The following PTGES3 variants were observed in gnomAD, a reference collection of about 807,000 sequenced individuals.
PTGES3 encodes Hsp90 co-chaperone.
A neutral mutation model predicts 29.9 loss-of-function variants in PTGES3; 5 were observed. The ratio of observed to expected loss-of-function variants is 0.17; its 90% CI spans 0.09 to 0.35. PTGES3 has a LOEUF of 0.35. PTGES3 is among the 10% of genes least tolerant of loss of function. The pLI, the probability that PTGES3 is intolerant of heterozygous loss-of-function variation, is 1.00. For missense variants in PTGES3, 128 were observed against 190.0 expected (o/e 0.67, Z 1.92); for synonymous variants, 49 against 57.8 (o/e 0.85, Z 0.69).
chr12:56,681,829 C>T (rs1472992221), intron 1 of PTGES3, among the ~76,000 whole-genome samples: 2 of 151,890 alleles, frequency 1.3e-5, no homozygotes, highest in African/African-American at 4.8e-5. Context: ...TGCACTCCAG[C>T]CTGGGCGACA....
intron 1 of PTGES3, among the ~76,000 whole-genome samples, chr12:56,679,112 G>A (rs145810000): frequency 0.012 from 1,813 of 152,072 alleles, 24 homozygotes; most frequent in South Asian, 0.045. Flanking sequence ...GCAAGACCCT[G>A]ACTTAGAGAA....
intron 1 of PTGES3, among the ~76,000 whole-genome samples, chr12:56,675,697 C>T (rs1213206595): frequency 1.3e-5 from 2 of 151,898 alleles, no homozygotes; most frequent in Non-Finnish European, 2.9e-5. Context: ...GAGATGGGTG[C>T]ATCACCTAAG....
chr12:56,681,070 TCCC>T (rs1227726426), intron 1 of PTGES3, among the ~76,000 whole-genome samples: 10 of 152,022 alleles, frequency 6.6e-5, no homozygotes, highest in East Asian at 1.9e-4. Context: ...CCATACCTGG[TCCC>T]CCCATTTGTA....
intron 1 of PTGES3, among the ~76,000 whole-genome samples, chr12:56,683,661 CAAA>C (rs905309228): frequency 7.1e-6 from 1 of 140,294 alleles, no homozygotes; most frequent in African/African-American, 2.6e-5. Flanking sequence ...AAAAAACAAA[CAAA>C]AACCAAAACT....
chr12:56,665,023 T>G, intron 6 of PTGES3: 1 of 985,450 alleles, frequency 1.0e-6, no homozygotes, highest in Non-Finnish European at 1.2e-6. Context: ...GTGTGCCTTT[T>G]GGTGACAATT....
At chr12:56,670,521 T>A (rs1951962678) in intron 4 of PTGES3, 157 bp from the exon 5 acceptor site, 1 of 608,478 alleles carries the variant, frequency 1.6e-6, no homozygotes, top group Non-Finnish European at 2.9e-6. Flanking sequence ...CCACTATTGA[T>A]CAATATGTGA....
chr12:56,687,317 G>T, intron 1 of PTGES3: 1 of 989,810 alleles, frequency 1.0e-6, no homozygotes, highest in Non-Finnish European at 1.2e-6. Flanking sequence ...GGAACTACCT[G>T]CTCAATGGTA....
At chr12:56,674,275 AAGGAAAGGC>A (rs558732914) in intron 1 of PTGES3, among the ~76,000 whole-genome samples, 180 of 152,254 alleles carry the variant, frequency 1.2e-3, no homozygotes, top group African/African-American at 4.2e-3. Context: ...TCTGCAAACC[AAGGAAAGGC>A]CTCAGAAGAA....
chr12:56,680,451 T>A (rs2137690715), intron 1 of PTGES3, among the ~76,000 whole-genome samples: 1 of 152,074 alleles, frequency 6.6e-6, no homozygotes, highest in Non-Finnish European at 1.5e-5. Flanking sequence ...AACGGCGTCA[T>A]CTTGCCTCTC....
chr12:56,665,987 A>G, intron 6 of PTGES3: 2 of 1,280,526 alleles, frequency 1.6e-6, no homozygotes, highest in Non-Finnish European at 2.0e-6. Flanking sequence ...TTCTTTGGAA[A>G]TCTAATCCAT....
chr12:56,676,992 T>C (rs1026762604), intron 1 of PTGES3, among the ~76,000 whole-genome samples: 3 of 148,264 alleles, frequency 2.0e-5, no homozygotes, highest in Middle Eastern at 3.3e-3. Flanking sequence ...TCTCAGCACT[T>C]TGGGAGGCTG....
chr12:56,688,144 C>T lies in PTGES3; in HGVS notation c.-145G>A, dbSNP rs1433020570. The T allele has an allele frequency of 1.5e-6, 2 of 1,377,030 alleles. No homozygotes were observed. Among genetic ancestry groups the T allele is most frequent in the Middle Eastern group, 2.7e-4 (1 of 3,668 alleles). 85.3% of individuals were successfully genotyped at this position (1,377,030 alleles called of 1,614,324 possible). A position where few individuals can be genotyped will look rare whatever the true frequency, so the allele number is the denominator to read the frequency against. On this transcript the variant is annotated 5_prime_UTR_variant, in exon 1 of 8. Transcript: ENST00000262033. ...TCTCGCTTCCCTCAGGCGACGGCGG[C>T]AGCGGCGGGCTCGACCTCGGGCCCC...
intron 1 of PTGES3, among the ~76,000 whole-genome samples, chr12:56,673,422 G>A (rs1236847176): frequency 7.0e-6 from 1 of 143,572 alleles, no homozygotes. Context: ...TTGAGGCCAG[G>A]AGAGCTAGAG....
At chr12:56,668,100 C>T (rs550061525) in intron 5 of PTGES3, among the ~76,000 whole-genome samples, 168 of 152,266 alleles carry the variant, frequency 1.1e-3, no homozygotes, top group African/African-American at 3.9e-3. Flanking sequence ...AAGAGCAAAA[C>T]TCTGCCTCAA....
At chr12:56,671,382 AAGAG>A (rs1176852501) in intron 4 of PTGES3, among the ~76,000 whole-genome samples, 7 of 152,144 alleles carry the variant, frequency 4.6e-5, no homozygotes, top group African/African-American at 1.2e-4. Context: ...CTGGGTGACA[AAGAG>A]AGACCCTGTT....
Position 56,688,195 on chromosome 12 carries a change from C to T in PTGES3, c.-196G>A. 2.0e-6 allele frequency: 2 copies of T among 988,036 alleles called. No homozygotes were observed. The highest frequency in any genetic ancestry group is 2.8e-6 in the Non-Finnish European group (2 of 725,792). 61.2% of individuals were successfully genotyped at this position (988,036 alleles called of 1,614,324 possible). A position where few individuals can be genotyped will look rare whatever the true frequency, so the allele number is the denominator to read the frequency against. On this transcript the variant is annotated 5_prime_UTR_variant, in exon 1 of 8. Coordinates refer to ENST00000262033, the MANE Select transcript of PTGES3 (RefSeq NM_006601.7). ...AGAATGCACCGCGCGGAAAGAGCGG[C>T]TCCTCCGGTCGGGGAGAAGAGGAAA...
chr12:56,681,395 G>A (rs1032617237), intron 1 of PTGES3, among the ~76,000 whole-genome samples: 6 of 151,570 alleles, frequency 4.0e-5, no homozygotes, highest in Non-Finnish European at 5.9e-5. Context: ...AAAATTAGCC[G>A]GATGAGGTGG....
intron 1 of PTGES3, chr12:56,687,317 G>A (rs901448429): frequency 1.6e-4 from 154 of 989,692 alleles, no homozygotes; most frequent in Non-Finnish European, 1.7e-4. Flanking sequence ...GGAACTACCT[G>A]CTCAATGGTA....
intron 1 of PTGES3, among the ~76,000 whole-genome samples, chr12:56,673,483 CG>C (rs747871578): frequency 0.033 from 927 of 28,090 alleles, 261 homozygotes; most frequent in East Asian, 0.11. Context: ...AATACAAATA[CG>C]GAAAAAAAAA....
Sources: gnomAD v4.1 joint callset for allele counts (sites outside exome capture counted in the v4.1 genomes callset) on GRCh38, gnomAD v4.1.1 for gene constraint, MANE v1.5 for transcripts, NCBI Gene and HGNC (gene_info 2026-07-23, HGNC 2026-07-21) for gene names.